Variants in FAF1 observed in about 807,000 individuals in gnomAD.
FAF1 encodes FAS-associated factor 1.
A neutral mutation model predicts 92.5 loss-of-function variants in FAF1; 25 were observed. The observed-to-expected ratio is 0.27, with a 90% CI of 0.20 to 0.38. The LOEUF is 0.38. Among genes scored for constraint, FAF1 ranks in the 10% least tolerant of loss-of-function variants. The pLI, the probability that FAF1 is intolerant of heterozygous loss-of-function variation, is 1.00. For synonymous variants in FAF1, 234 were observed against 273.2 expected (o/e 0.86, Z 1.42); for missense variants, 636 against 793.3 (o/e 0.80, Z 2.38).
intron 1 of FAF1, among the ~76,000 whole-genome samples, chr1:50,891,534 G>A (rs1266699370): frequency 1.3e-5 from 2 of 152,264 alleles, no homozygotes; most frequent in African/African-American, 2.4e-5. Flanking sequence ...ATACAGATGA[G>A]GTTTTGGTGT....
At chr1:50,895,404 C>T (rs896751035) in intron 1 of FAF1, among the ~76,000 whole-genome samples, 4 of 152,004 alleles carry the variant, frequency 2.6e-5, no homozygotes, top group African/African-American at 7.2e-5. Flanking sequence ...CCCTGGGACC[C>T]GACGGCTTTA....
At chr1:50,647,491 A>G (rs1557454203) in intron 8 of FAF1, among the ~76,000 whole-genome samples, 1 of 150,922 alleles carries the variant, frequency 6.6e-6, no homozygotes, top group East Asian at 1.9e-4. Flanking sequence ...TTTGCGAATC[A>G]TTTTTTTTTC....
chr1:50,720,372 T>C (rs1557492465), intron 6 of FAF1, among the ~76,000 whole-genome samples: 1 of 152,174 alleles, frequency 6.6e-6, no homozygotes, highest in African/African-American at 2.4e-5. Context: ...TAAATTTAAG[T>C]TGAACAGTAA....
intron 1 of FAF1, among the ~76,000 whole-genome samples, chr1:50,876,735 C>T (rs1476749329): frequency 6.6e-6 from 1 of 152,030 alleles, no homozygotes; most frequent in Non-Finnish European, 1.5e-5. Flanking sequence ...ACAGGAGCAC[C>T]ACCACACCTG....
At chr1:50,546,807 T>G (rs1050644480) in intron 13 of FAF1, among the ~76,000 whole-genome samples, 27 of 152,346 alleles carry the variant, frequency 1.8e-4, no homozygotes, top group African/African-American at 6.0e-4. Context: ...AATGTGAATG[T>G]GTTAGCCAAT....
At chr1:50,816,594 T>C (rs1461603964) in intron 2 of FAF1, among the ~76,000 whole-genome samples, 1 of 152,182 alleles carries the variant, frequency 6.6e-6, no homozygotes, top group Admixed American at 6.5e-5. Flanking sequence ...CTTTGTCAGG[T>C]GCATATGTTG....
intron 6 of FAF1, among the ~76,000 whole-genome samples, chr1:50,712,491 A>G (rs1364493122): frequency 6.6e-6 from 1 of 152,078 alleles, no homozygotes; most frequent in Non-Finnish European, 1.5e-5. Flanking sequence ...CCCTGTTACT[A>G]CTAAAAATAC....
chr1:50,640,567 A>G (rs1465950246), intron 8 of FAF1, among the ~76,000 whole-genome samples: 3 of 151,992 alleles, frequency 2.0e-5, no homozygotes, highest in East Asian at 3.9e-4. Context: ...TTTAATTGCA[A>G]GTTCAATTTT....
chr1:50,882,977 CTT>C (rs1644626549), intron 1 of FAF1, among the ~76,000 whole-genome samples: 1 of 142,404 alleles, frequency 7.0e-6, no homozygotes, highest in Non-Finnish European at 1.5e-5. Flanking sequence ...GAGTGAGACT[CTT>C]GTCTCCAAAA....
chr1:50,685,952 A>T (rs150569432), intron 7 of FAF1, among the ~76,000 whole-genome samples: 1 of 152,326 alleles, frequency 6.6e-6, no homozygotes, highest in East Asian at 1.9e-4. Context: ...TAATTTCCCC[A>T]TTGAGAATAT....
chr1:50,473,730 C>T (rs1482679304), intron 18 of FAF1, among the ~76,000 whole-genome samples: 2 of 152,104 alleles, frequency 1.3e-5, no homozygotes, highest in African/African-American at 4.8e-5. Context: ...AGAAAAGGAA[C>T]AATAGTCAGC....
chr1:50,803,504 AG>A (rs1341216982), intron 2 of FAF1, among the ~76,000 whole-genome samples: 1 of 152,188 alleles, frequency 6.6e-6, no homozygotes. Context: ...CAGCCACAAA[AG>A]TCCTACCTTT....
intron 4 of FAF1, among the ~76,000 whole-genome samples, chr1:50,770,360 C>A (rs928234584): frequency 6.6e-6 from 1 of 152,138 alleles, no homozygotes; most frequent in Admixed American, 6.5e-5. Flanking sequence ...GGAAACTCCA[C>A]AATATCTGTC....
At chr1:50,937,068 T>C (rs1265119362) in intron 1 of FAF1, among the ~76,000 whole-genome samples, 2 of 152,082 alleles carry the variant, frequency 1.3e-5, no homozygotes, top group African/African-American at 4.8e-5. Context: ...TTCATTGAGC[T>C]GGAGAAATTC....
chr1:50,551,607 T>C (rs1471227750), intron 13 of FAF1, among the ~76,000 whole-genome samples: 4 of 152,174 alleles, frequency 2.6e-5, no homozygotes, highest in Admixed American at 2.0e-4. Flanking sequence ...CATAGGCCCT[T>C]AAGAACATAC....
chr1:50,443,702 T>C (rs1646195363), intron 18 of FAF1, among the ~76,000 whole-genome samples: 1 of 152,162 alleles, frequency 6.6e-6, no homozygotes, highest in Non-Finnish European at 1.5e-5. Context: ...GTTGTTGTGA[T>C]TATAGTTAAA....
At chr1:50,809,515 G>GA (rs34769196) in intron 2 of FAF1, among the ~76,000 whole-genome samples, 8,359 of 152,068 alleles carry the variant, frequency 0.055, 305 homozygotes, top group African/African-American at 0.099. Context: ...AGAAAACGTA[G>GA]AAAAAATGAA....
chr1:50,700,763 G>A (rs915014120), intron 7 of FAF1, among the ~76,000 whole-genome samples: 11 of 152,052 alleles, frequency 7.2e-5, no homozygotes, highest in Non-Finnish European at 1.5e-4. Flanking sequence ...TTCTTAAAAT[G>A]TCATTGCTTC....
intron 6 of FAF1, among the ~76,000 whole-genome samples, chr1:50,724,252 AAAAC>A (rs1316865761): frequency 3.4e-5 from 5 of 147,758 alleles, no homozygotes; most frequent in Non-Finnish European, 5.9e-5. Context: ...AAAAAAAAAA[AAAAC>A]AACCATATAT....
Sources: gnomAD v4.1 joint callset for allele counts (sites outside exome capture counted in the v4.1 genomes callset) on GRCh38, gnomAD v4.1.1 for gene constraint, MANE v1.5 for transcripts, NCBI Gene and HGNC (gene_info 2026-07-23, HGNC 2026-07-21) for gene names.